CPEB1: variants seen among roughly 807,000 people sequenced by gnomAD.
CPEB1 encodes the protein cytoplasmic polyadenylation element binding protein 1.
In CPEB1, 7 loss-of-function variants were observed where a neutral mutation model predicts 65.8. The ratio of observed to expected loss-of-function variants is 0.11; its 90% CI spans 0.06 to 0.20. CPEB1 has a LOEUF of 0.20. Among genes scored for constraint, CPEB1 ranks in the 10% least tolerant of loss-of-function variants. The probability of loss-of-function intolerance (pLI) is 1.00; values close to 1 mark genes in which losing one functional copy is unlikely to be tolerated. For synonymous variants in CPEB1, 262 were observed against 260.0 expected, an observed-to-expected ratio of 1.01 and a Z score of -0.08; for missense variants, 551 against 712.2, an observed-to-expected ratio of 0.77 and a Z score of 2.58.
At chr15:82,561,401 C>A (rs942294232) in intron 4 of CPEB1, among the ~76,000 whole-genome samples, 1 of 152,042 alleles carries the variant, frequency 6.6e-6, no homozygotes, top group Admixed American at 6.6e-5. Context: ...GTTTGTTAAC[C>A]CTGGAAAAGG....
intron 3 of CPEB1, among the ~76,000 whole-genome samples, chr15:82,615,741 C>T (rs2044649673): frequency 6.6e-6 from 1 of 152,020 alleles, no homozygotes; most frequent in African/African-American, 2.4e-5. Flanking sequence ...TCATGAAATC[C>T]TAGCAGGATT....
intron 12 of CPEB1, among the ~76,000 whole-genome samples, chr15:82,545,490 G>T (rs111633922): frequency 6.6e-6 from 1 of 152,250 alleles, no homozygotes; most frequent in African/African-American, 2.4e-5. Context: ...CCTGTCAAAG[G>T]ATGATACTGA....
At chr15:82,608,902 G>A (rs930895696) in intron 3 of CPEB1, among the ~76,000 whole-genome samples, 2 of 152,170 alleles carry the variant, frequency 1.3e-5, no homozygotes, top group Admixed American at 6.5e-5. Flanking sequence ...ACAATCTTAA[G>A]TGTATATGAA....
upstream of CPEB1, chr15:82,648,505 A>G (rs2047756317): frequency 1.3e-5 from 2 of 152,336 alleles, no homozygotes; most frequent in Admixed American, 1.3e-4. Context: ...GAAAGTTCCA[A>G]AGACATCACT....
chr15:82,647,722 C>A, upstream of CPEB1: 1 of 790,848 alleles, frequency 1.3e-6, no homozygotes, highest in East Asian at 3.9e-5. Flanking sequence ...GGCACGTGAC[C>A]GCGCCCCGCC....
chr15:82,622,650 C>T (rs994507876), intron 3 of CPEB1, among the ~76,000 whole-genome samples: 1 of 152,154 alleles, frequency 6.6e-6, no homozygotes, highest in Non-Finnish European at 1.5e-5. Flanking sequence ...CCTCGGCCTC[C>T]CAAAGTGCTG....
chr15:82,648,085 C>A, upstream of CPEB1: 3 of 375,908 alleles, frequency 8.0e-6, no homozygotes, highest in Non-Finnish European at 1.4e-5. Flanking sequence ...TCCGCCCCCT[C>A]GCGCCCCGCC....
chr15:82,616,944 C>G (rs2044772753), intron 3 of CPEB1, among the ~76,000 whole-genome samples: 1 of 152,134 alleles, frequency 6.6e-6, no homozygotes, highest in South Asian at 2.1e-4. Flanking sequence ...GAAACCATCA[C>G]CAAAAGTCAA....
chr15:82,611,737 G>T (rs562725702), intron 3 of CPEB1, among the ~76,000 whole-genome samples: 1 of 151,188 alleles, frequency 6.6e-6, no homozygotes, highest in Admixed American at 6.6e-5. Context: ...ACAAAAACAC[G>T]ATGATCTAAT....
chr15:82,548,800 G>A (rs569801077), intron 10 of CPEB1: 1 of 424,310 alleles, frequency 2.4e-6, no homozygotes, highest in South Asian at 1.7e-5. Flanking sequence ...TTCCTGACCA[G>A]ATTCAGTGTG....
intron 3 of CPEB1, among the ~76,000 whole-genome samples, chr15:82,599,486 T>C (rs2042926288): frequency 6.6e-6 from 1 of 151,904 alleles, no homozygotes; most frequent in Non-Finnish European, 1.5e-5. Context: ...GCATCTGAAA[T>C]CTTACAGGAT....
At chr15:82,604,822 G>A (rs1329831231) in intron 3 of CPEB1, among the ~76,000 whole-genome samples, 2 of 152,046 alleles carry the variant, frequency 1.3e-5, no homozygotes, top group African/African-American at 4.8e-5. Flanking sequence ...AAGCAGATGA[G>A]GGAAAGAGAC....
rs185909808 is a variant in CPEB1, at chr15:82,637,240, G to C, written c.-97-8684C>G. On this transcript the variant is annotated intron_variant, in intron 1 of 12. Transcript: ENST00000684509. ...TCCTGAGGAATAAAAGAAACTAAAGGCTCTGGACAGTTGGTCTACATGACC... is the reference window on the plus strand; with the variant it reads ...TCCTGAGGAATAAAAGAAACTAAAGCCTCTGGACAGTTGGTCTACATGACC... Among the ~76,000 whole-genome samples the C allele has an allele frequency of 2.0e-5, 3 of 152,268 alleles. No individual in the cohort carries two copies. The East Asian group carries it at 5.8e-4, about 29-fold the overall frequency.
intron 1 of CPEB1, among the ~76,000 whole-genome samples, chr15:82,630,509 G>C (rs1596132930): frequency 6.6e-6 from 1 of 152,202 alleles, no homozygotes; most frequent in Admixed American, 6.5e-5. Flanking sequence ...AGGAAGCTGA[G>C]GTAGGAGGAA....
At chr15:82,630,470 G>GT (rs1339108172) in intron 1 of CPEB1, among the ~76,000 whole-genome samples, 3 of 152,116 alleles carry the variant, frequency 2.0e-5, no homozygotes, top group Admixed American at 6.5e-5. Flanking sequence ...GACAGGTATG[G>GT]TGGTACATGC....
chr15:82,608,043 T>C (rs1380167797), intron 3 of CPEB1, among the ~76,000 whole-genome samples: 1 of 151,856 alleles, frequency 6.6e-6, no homozygotes, highest in Non-Finnish European at 1.5e-5. Flanking sequence ...TCACTTCTTG[T>C]TTGTACAGAG....
intron 3 of CPEB1, among the ~76,000 whole-genome samples, chr15:82,612,478 CA>C (rs2044255667): frequency 1.5e-5 from 2 of 129,202 alleles, no homozygotes; most frequent in South Asian, 2.4e-4. Flanking sequence ...GCCTGGGTAA[CA>C]GAGCGAGAGT....
chr15:82,611,025 G>C lies in CPEB1; in HGVS notation c.271+16168C>G, dbSNP rs541332198. Among the ~76,000 whole-genome samples, 24 of 141,900 alleles carry C rather than the reference G, an allele frequency of 1.7e-4. No homozygotes were observed. The East Asian group carries it at 3.9e-3, about 23-fold the overall frequency. 93.1% of individuals were successfully genotyped at this position (141,900 alleles called of 152,430 possible). A position where few individuals can be genotyped will look rare whatever the true frequency, so the allele number is the denominator to read the frequency against. ...AAAAAAATCCTCAACTTGATAAAGG[G>C]CTCCTACAAAAACACCCACATCTAA... On this transcript the variant is annotated intron_variant, in intron 3 of 12. Transcript: ENST00000684509.
chr15:82,588,328 A>G (rs1168709459), intron 3 of CPEB1, among the ~76,000 whole-genome samples: 2 of 152,178 alleles, frequency 1.3e-5, no homozygotes, highest in Non-Finnish European at 2.9e-5. Flanking sequence ...AACAAGGAGG[A>G]TATGAAGAAT....
Sources: allele counts gnomAD v4.1 joint callset (sites outside exome capture counted in the v4.1 genomes callset), GRCh38; gene constraint gnomAD v4.1.1; transcripts MANE v1.5; gene names NCBI Gene and HGNC (gene_info 2026-07-23, HGNC 2026-07-21).